Variants in PRKAG2 observed in about 807,000 individuals in gnomAD.
The protein encoded by PRKAG2 is protein kinase AMP-activated non-catalytic subunit gamma 2.
In PRKAG2, 26 loss-of-function variants were observed where a neutral mutation model predicts 69.6. The ratio of observed to expected loss-of-function variants is 0.37; its 90% CI spans 0.27 to 0.52. The LOEUF (loss-of-function observed/expected upper bound fraction) is 0.52. PRKAG2 is among the 20% of genes least tolerant of loss of function. The pLI is 0.90. For synonymous variants in PRKAG2, 293 were observed against 285.0 expected (o/e 1.03, Z -0.28); for missense variants, 557 against 740.0 (o/e 0.75, Z 2.87).
At chr7:151,755,132 C>G (rs2074997018) in intron 3 of PRKAG2, among the ~76,000 whole-genome samples, 1 of 152,066 alleles carries the variant, frequency 6.6e-6, no homozygotes, top group Admixed American at 6.6e-5. Context: ...GTACATCGGC[C>G]GGTTATTGGG....
chr7:151,694,293 T>C (rs947586118), intron 3 of PRKAG2, among the ~76,000 whole-genome samples: 1 of 152,246 alleles, frequency 6.6e-6, no homozygotes, highest in African/African-American at 2.4e-5. Context: ...TAAACATTTA[T>C]TTTTGATTTT....
intron 1 of PRKAG2, among the ~76,000 whole-genome samples, chr7:151,819,150 G>A (rs983646700): frequency 2.0e-5 from 3 of 152,184 alleles, no homozygotes; most frequent in Non-Finnish European, 2.9e-5. Context: ...ACCCAGCCCC[G>A]GTGACCTGGA....
chr7:151,557,264 G>T, intron 15 of PRKAG2, 32 bp from the exon 16 acceptor site: 1 of 1,613,904 alleles, frequency 6.2e-7, no homozygotes, highest in East Asian at 2.2e-5. Context: ...AAGTTTCAAA[G>T]CTCATGGTAA....
At chr7:151,597,828 C>T (rs1307220669) in intron 5 of PRKAG2, among the ~76,000 whole-genome samples, 1 of 149,662 alleles carries the variant, frequency 6.7e-6, no homozygotes, top group Non-Finnish European at 1.5e-5. Context: ...GAGCCCCCCC[C>T]CCCGCTCTTT....
chr7:151,798,432 A>T (rs1167448644), intron 1 of PRKAG2, among the ~76,000 whole-genome samples: 1 of 151,788 alleles, frequency 6.6e-6, no homozygotes, highest in Non-Finnish European at 1.5e-5. Flanking sequence ...CTCATGCCTC[A>T]GTCTCCCAAG....
At chr7:151,681,768 A>G (rs1053122826) in intron 3 of PRKAG2, among the ~76,000 whole-genome samples, 7 of 152,102 alleles carry the variant, frequency 4.6e-5, no homozygotes, top group Non-Finnish European at 1.0e-4. Context: ...TATAACCCAG[A>G]CACTTTCTGC....
chr7:151,610,369 AAAACAAAC>A (rs890167729), intron 5 of PRKAG2, among the ~76,000 whole-genome samples: 2 of 151,274 alleles, frequency 1.3e-5, no homozygotes, highest in Non-Finnish European at 2.9e-5. Context: ...TCTTCATTTC[AAAACAAAC>A]AAACAAACAT....
intron 3 of PRKAG2, among the ~76,000 whole-genome samples, chr7:151,700,085 G>A (rs1321486264): frequency 1.3e-5 from 2 of 152,134 alleles, no homozygotes; most frequent in Non-Finnish European, 2.9e-5. Flanking sequence ...TCATCTCATA[G>A]GAAACAGGTC....
rs939012290 is a variant in PRKAG2 at position 151,850,233 on chromosome 7, G to A, written c.114+26274C>T. On this transcript the variant is annotated intron_variant, in intron 1 of 15. Transcript: ENST00000287878. This position sits in a 1 kb window ranked among gnomAD's most constrained non-coding sequence, Gnocchi z 4.1. ...TACACAGGGACAGTGGGTGTGAACC[G>A]GGTGGGCCCAGGAGAAACCTGGAGG... 2.6e-5 allele frequency among the ~76,000 whole-genome samples: 4 copies of A among 152,324 alleles called. No individual in the cohort carries two copies. Among genetic ancestry groups the A allele is most frequent in the Middle Eastern group, 3.4e-3 (1 of 294 alleles).
intron 5 of PRKAG2, among the ~76,000 whole-genome samples, chr7:151,611,316 C>T (rs997613395): frequency 3.9e-5 from 6 of 152,134 alleles, no homozygotes. Flanking sequence ...AGATTTTGTC[C>T]ACAGAACCAC....
intron 3 of PRKAG2, among the ~76,000 whole-genome samples, chr7:151,718,403 A>G (rs946884717): frequency 1.3e-5 from 2 of 152,026 alleles, no homozygotes; most frequent in Admixed American, 6.5e-5. Flanking sequence ...AGCCACATCG[A>G]GGGTCAGGGC....
At chr7:151,746,733 C>T (rs2074305266) in intron 3 of PRKAG2, among the ~76,000 whole-genome samples, 1 of 152,226 alleles carries the variant, frequency 6.6e-6, no homozygotes, top group African/African-American at 2.4e-5. Flanking sequence ...GGGCACCATG[C>T]TGAGAATTCA....
At chr7:151,819,673 A>C (rs2078723697) in intron 1 of PRKAG2, among the ~76,000 whole-genome samples, 1 of 152,144 alleles carries the variant, frequency 6.6e-6, no homozygotes, top group Admixed American at 6.5e-5. Flanking sequence ...AAAGGATAAC[A>C]GTTTCTCTAT....
intron 4 of PRKAG2, among the ~76,000 whole-genome samples, chr7:151,644,258 G>C (rs1179933447): frequency 6.6e-6 from 1 of 151,884 alleles, no homozygotes; most frequent in Non-Finnish European, 1.5e-5. Context: ...AATTTAAAAA[G>C]TAAATAAATG....
intron 3 of PRKAG2, among the ~76,000 whole-genome samples, chr7:151,679,424 TGA>T (rs1344514690): frequency 6.6e-6 from 1 of 152,146 alleles, no homozygotes; most frequent in African/African-American, 2.4e-5. Flanking sequence ...TCTCCTCTCC[TGA>T]GAGTCAAGAG....
intron 1 of PRKAG2, among the ~76,000 whole-genome samples, chr7:151,834,719 T>A (rs1169103606): frequency 6.6e-6 from 1 of 151,826 alleles, no homozygotes; most frequent in Non-Finnish European, 1.5e-5. Context: ...AGGAACGGAG[T>A]GGAGGGAGTG....
intron 1 of PRKAG2, among the ~76,000 whole-genome samples, chr7:151,797,621 C>T (rs762766358): frequency 6.6e-6 from 1 of 152,190 alleles, no homozygotes; most frequent in Non-Finnish European, 1.5e-5. Context: ...CTACGGGTAC[C>T]CAAGGACTCC....
At chr7:151,572,340 C>G (rs28764001) in intron 9 of PRKAG2, 28,776 of 200,454 alleles carry the variant, frequency 0.14, 2,267 homozygotes, top group African/African-American at 0.18. Flanking sequence ...TCTCTGAGGG[C>G]TTAGACTTAG....
At chr7:151,612,988 T>C (rs1174731391) in intron 5 of PRKAG2, among the ~76,000 whole-genome samples, 1 of 152,132 alleles carries the variant, frequency 6.6e-6, no homozygotes. Flanking sequence ...GGCTCCTCAC[T>C]GGCTAAGCTC....
Sources: allele counts gnomAD v4.1 joint callset (sites outside exome capture counted in the v4.1 genomes callset), GRCh38; gene constraint gnomAD v4.1.1; non-coding constraint Gnocchi (gnomAD v3.1); transcripts MANE v1.5; gene names NCBI Gene and HGNC (gene_info 2026-07-23, HGNC 2026-07-21).